Variants in TRIM7 observed in about 807,000 individuals in gnomAD.
TRIM7 encodes tripartite motif containing 7, also known as E3 ubiquitin-protein ligase TRIM7.
TRIM7 carries 32 observed loss-of-function variants against 37.9 expected under a neutral mutation model. The observed-to-expected ratio is 0.84, with a 90% CI of 0.64 to 1.13. The LOEUF is 1.13. TRIM7 is among the 50% of genes most tolerant of loss of function. TRIM7 has a pLI of 0.00. For synonymous variants in TRIM7, 351 were observed against 321.3 expected (o/e 1.09, Z -0.99); for missense variants, 732 against 714.0 (o/e 1.03, Z -0.29).
In TRIM7 at chr5:181,195,514, C is replaced by T. The variant is rs902347344; in HGVS notation, c.1188G>A (p.Arg396=). ...AGCCCACCTCCACCTCCCAGTGATGCCGGCCCGAGGAGAAGCCGCAGGACG... is the reference window on the plus strand; with the variant it reads ...AGCCCACCTCCACCTCCCAGTGATGTCGGCCCGAGGAGAAGCCGCAGGACG... ...VLASCGFSSG[R]HHWEVEVGSK... The change falls in exon 7 of 7, where the codon CGG becomes CGA. Residue 396 remains arginine (R), a synonymous_variant. Coordinates refer to ENST00000274773, the MANE Select transcript of TRIM7 (RefSeq NM_203293.3). The T allele has an allele frequency of 2.5e-6, 4 of 1,612,656 alleles. No individual in the cohort carries two copies. Among genetic ancestry groups the T allele is most frequent in the African/African-American group, 1.3e-5 (1 of 75,054 alleles).
rs1046185386 is a variant in TRIM7 at position 181,204,805 on chromosome 5, G to A, written c.306C>T (p.Leu102=). The A allele has an allele frequency of 5.0e-6, 7 of 1,401,078 alleles. No homozygotes were observed. In the African/African-American group the frequency reaches 9.1e-5, roughly 18 times the overall value. The allele number at this position is 1,401,078 out of a possible 1,614,324, so 86.8% of individuals were successfully genotyped here. Residue 102 remains leucine (L), a synonymous_variant, in exon 1 of 7, where the codon CTC becomes CTT. Coordinates refer to ENST00000274773, the MANE Select transcript of TRIM7 (RefSeq NM_203293.3). ...PNRQLAAVAT[L]LRRFSLPAAA... Reference sequence around the variant, plus strand: ...CCGCGGGCAGGCTGAAGCGCCGCAGGAGCGTGGCCACTGCCGCCAGCTGCC... The same window carrying A: ...CCGCGGGCAGGCTGAAGCGCCGCAGAAGCGTGGCCACTGCCGCCAGCTGCC...
rs1218924253 is a variant in TRIM7, at chr5:181,195,199, GCAAA to G, written c.1499_1502del (p.Val500AlafsTer46). The G allele has an allele frequency of 3.1e-6, 5 of 1,610,408 alleles. No individual in the cohort carries two copies. Among genetic ancestry groups the G allele is most frequent in the Non-Finnish European group, 4.2e-6 (5 of 1,177,852 alleles). On this transcript the variant is annotated frameshift_variant, in exon 7 of 7. Coordinates refer to ENST00000274773, the MANE Select transcript of TRIM7 (RefSeq NM_203293.3). LOFTEE classifies it high-confidence loss of function. Reference sequence around the variant, plus strand: ...AGATTCGCAAGTAGGTGCCCGTGGAGCAAACAGAGAAAAGCGGGAACACGCGCTC... The same window carrying G: ...AGATTCGCAAGTAGGTGCCCGTGGAGCAGAGAAAAGCGGGAACACGCGCTC...
chr5:181,195,450 C>G lies in TRIM7; in HGVS notation c.1252G>C (p.Val418Leu). Reference protein sequence around the residue: ...GWAFGVARESVRRKGLTPFTP... With the variant: ...GWAFGVARESLRRKGLTPFTP... ...AAGGGCGTCAGGCCCTTTCGGCGCA[C>G]GCTCTCGCGGGCCACGCCAAAGGCC... The change falls in exon 7 of 7, where the codon GTG (valine) becomes CTG (leucine). Residue 418 changes from valine (V) to leucine (L), a missense_variant. Coordinates refer to ENST00000274773, the MANE Select transcript of TRIM7 (RefSeq NM_203293.3). 6.2e-7 allele frequency: 1 copy of G among 1,610,232 alleles called. No individual in the cohort carries two copies. The highest frequency in any genetic ancestry group is 1.3e-5 in the African/African-American group (1 of 75,002).
chr5:181,200,433 C>T (rs960768249), intron 2 of TRIM7: 3 of 1,275,714 alleles, frequency 2.4e-6, no homozygotes, highest in Non-Finnish European at 3.0e-6. Flanking sequence ...CCTGGGGCAA[C>T]CATAGGATTA....
chr5:181,198,074 G>T, intron 6 of TRIM7, 109 bp downstream of exon 6: 1 of 1,187,336 alleles, frequency 8.4e-7, no homozygotes. Context: ...GCTGAGGTGG[G>T]TGGGCTGAAG....
chr5:181,204,059 GC>G (rs1162642243), intron 1 of TRIM7: 5 of 1,000,930 alleles, frequency 5.0e-6, no homozygotes, highest in Non-Finnish European at 5.9e-6. Context: ...CAAAGAAAGG[GC>G]CCCCAGAATC....
Position 181,200,216 on chromosome 5 carries a change from C to G in TRIM7, c.619-135G>C, listed in dbSNP as rs777861379. Reference sequence around the variant, plus strand: ...GATCGGAGACACACCCACCTACGCACGCAGTGCGTGCTCTATTGTCAGTGT... The same window carrying G: ...GATCGGAGACACACCCACCTACGCAGGCAGTGCGTGCTCTATTGTCAGTGT... On this transcript the variant is annotated intron_variant, in intron 2 of 6. Transcript: ENST00000274773. 3.0e-5 allele frequency: 47 copies of G among 1,562,472 alleles called. No homozygotes were observed. In the African/African-American group the frequency reaches 6.2e-4, roughly 21 times the overall value.
chr5:181,195,013 T>C lies in TRIM7; in HGVS notation c.*153A>G. On this transcript the variant is annotated 3_prime_UTR_variant, in exon 7 of 7. Transcript: ENST00000274773. ...CCCCTGCTCGGTTGGCCACAGTCAC[T>C]CTCCTGCCTCGGGGTTGTGTCTGTA... 2 of 954,710 alleles carry C rather than the reference T, an allele frequency of 2.1e-6. No homozygotes were observed. Among genetic ancestry groups the C allele is most frequent in the Non-Finnish European group, 3.1e-6 (2 of 653,156 alleles). 59.1% of individuals were successfully genotyped at this position (954,710 alleles called of 1,614,324 possible). A position where few individuals can be genotyped will look rare whatever the true frequency, so the allele number is the denominator to read the frequency against.
Position 181,204,722 on chromosome 5 carries a change from C to T in TRIM7, c.389G>A (p.Cys130Tyr), listed in dbSNP as rs759974603. The change falls in exon 1 of 7, where the codon TGC becomes TAC. Residue 130 changes from cysteine to tyrosine, a missense_variant. Coordinates refer to ENST00000274773, the MANE Select transcript of TRIM7 (RefSeq NM_203293.3). ...AAAARAAAAR[C>Y]GQHGEPFKLY... is the part of the protein sequence containing the mutation. ...CTTGAAGGGTTCGCCATGCTGCCCG[C>T]AGCGGGCAGCCGCTGCCCGGGCCGC... is the stretch of plus-strand genomic sequence containing the variant. 2 of 1,479,280 alleles carry T rather than the reference C, an allele frequency of 1.4e-6. No individual in the cohort carries two copies. Among genetic ancestry groups the T allele is most frequent in the Non-Finnish European group, 1.8e-6 (2 of 1,124,500 alleles). 91.6% of individuals were successfully genotyped at this position (1,479,280 alleles called of 1,614,324 possible).
In TRIM7 at chr5:181,195,063, T is replaced by C. The variant is rs1757006238; in HGVS notation, c.*103A>G. On this transcript the variant is annotated 3_prime_UTR_variant, in exon 7 of 7. Transcript: ENST00000274773. ...AGCAGGCTCTCTTGGGCAGCAGGGG[T>C]CAGGAGCACGGAGGGCAGACCCAAG... is the stretch of plus-strand genomic sequence containing the variant. 7.8e-6 allele frequency: 11 copies of C among 1,418,848 alleles called. No homozygotes were observed. The highest frequency in any genetic ancestry group is 1.0e-5 in the Non-Finnish European group (11 of 1,050,026). 87.9% of individuals were successfully genotyped at this position (1,418,848 alleles called of 1,614,324 possible). A position where few individuals can be genotyped will look rare whatever the true frequency, so the allele number is the denominator to read the frequency against.
chr5:181,195,779 C>A, intron 6 of TRIM7, 102 bp from the exon 7 acceptor site: 1 of 1,428,724 alleles, frequency 7.0e-7, no homozygotes, highest in East Asian at 2.5e-5. Context: ...CCTGCCTTTC[C>A]CTCTAGAATC....
chr5:181,204,474 G>A, intron 1 of TRIM7, 115 bp downstream of exon 1: 8 of 1,200,896 alleles, frequency 6.7e-6, no homozygotes, highest in Non-Finnish European at 8.5e-6. Context: ...AAAGAAGGGA[G>A]GGGCTCACCC....
At chr5:181,195,951 A>G in intron 6 of TRIM7, 2 of 414,708 alleles carry the variant, frequency 4.8e-6, no homozygotes, top group Non-Finnish European at 4.3e-6. Context: ...GGATATTTGA[A>G]TGCTAGACAT....
chr5:181,195,604 G>C lies in TRIM7; in HGVS notation c.1098C>G (p.Leu366=), dbSNP rs763485095. 4.4e-6 allele frequency: 7 copies of C among 1,586,640 alleles called. No homozygotes were observed. In the South Asian group the frequency reaches 6.8e-5, roughly 15 times the overall value. The part of the protein sequence containing the change: ...ILSLDLKGVR[L]GERAQDLPNH... Reference sequence around the variant, plus strand: ...TGGGCAGGTCCTGGGCCCGCTCGCCGAGGCGCACGCCCTTAAGATCCAGAG... The same window carrying C: ...TGGGCAGGTCCTGGGCCCGCTCGCCCAGGCGCACGCCCTTAAGATCCAGAG... The change falls in exon 7 of 7, where the codon CTC becomes CTG. Residue 366 remains leucine, a synonymous_variant. Coordinates refer to ENST00000274773, the MANE Select transcript of TRIM7 (RefSeq NM_203293.3).
At position 181,194,478 on chromosome 5, in the gene TRIM7, T is replaced by C. The variant is rs929314578; in HGVS notation, c.*688A>G. 6.6e-6 allele frequency: 1 copy of C among 152,340 alleles called. No homozygotes were observed. Among genetic ancestry groups the C allele is most frequent in the African/African-American group, 2.4e-5 (1 of 41,444 alleles). The allele number at this position is 152,340 out of a possible 1,614,324, so 9.4% of individuals were successfully genotyped here. A position where few individuals can be genotyped will look rare whatever the true frequency, so the allele number is the denominator to read the frequency against. On this transcript the variant is annotated 3_prime_UTR_variant, in exon 7 of 7. Transcript: ENST00000274773. ...CACTGGAAAGTGCGGGAGTCAGGGG[T>C]TTGTGAGAGCACGTGTTGGTTGTCG... is the stretch of plus-strand genomic sequence containing the variant.
chr5:181,198,665 C>T (rs1757287025), intron 5 of TRIM7, 25 bp downstream of exon 5: 1 of 1,558,448 alleles, frequency 6.4e-7, no homozygotes, highest in Non-Finnish European at 8.9e-7. Flanking sequence ...CACTATGTGG[C>T]CCAGCTTGGC....
Position 181,195,049 on chromosome 5 carries a change from T to C in TRIM7, c.*117A>G. 7.5e-7 allele frequency: 1 copy of C among 1,329,012 alleles called. No individual in the cohort carries two copies. The highest frequency in any genetic ancestry group is 1.0e-6 in the Non-Finnish European group (1 of 973,680). 82.3% of individuals were successfully genotyped at this position (1,329,012 alleles called of 1,614,324 possible). Reference sequence around the variant, plus strand: ...GGGGTTGTGTCTGTAGCAGGCTCTCTTGGGCAGCAGGGGTCAGGAGCACGG... The same window carrying C: ...GGGGTTGTGTCTGTAGCAGGCTCTCCTGGGCAGCAGGGGTCAGGAGCACGG... On this transcript the variant is annotated 3_prime_UTR_variant, in exon 7 of 7. Transcript: ENST00000274773.
rs763997965 is a variant in TRIM7 at position 181,195,164 on chromosome 5, C to T, written c.*2G>A. On this transcript the variant is annotated 3_prime_UTR_variant, in exon 7 of 7. Coordinates refer to ENST00000274773, the MANE Select transcript of TRIM7 (RefSeq NM_203293.3). ...GAGACAGGAGCTCCCCAGCAGTGCC[C>T]CTCAAGGCCAGATTCGCAAGTAGGT... 3.8e-6 allele frequency: 6 copies of T among 1,591,112 alleles called. No homozygotes were observed. Among genetic ancestry groups the T allele is most frequent in the South Asian group, 1.1e-5 (1 of 87,150 alleles).
At chr5:181,197,695 T>A (rs1377437535) in intron 6 of TRIM7, 1 of 164,766 alleles carries the variant, frequency 6.1e-6, no homozygotes, top group Non-Finnish European at 1.3e-5. Context: ...CCAGACACAC[T>A]CTGACTTAGC....
Sources: gnomAD v4.1 joint callset for allele counts on GRCh38, gnomAD v4.1.1 for gene constraint, MANE v1.5 for transcripts, NCBI Gene and HGNC (gene_info 2026-07-23, HGNC 2026-07-21) for gene names.